The following SLC18A1 variants were observed in gnomAD, a reference collection of about 807,000 sequenced individuals.
SLC18A1 encodes solute carrier family 18 member A1, also known as chromaffin granule amine transporter.
In SLC18A1, 69 loss-of-function variants were observed where a neutral mutation model predicts 53.7. The ratio of observed to expected loss-of-function variants is 1.28; its 90% CI spans 1.06 to 1.57. SLC18A1 has a LOEUF of 1.57. Ranked by LOEUF, SLC18A1 falls within the 40% of genes most tolerant of loss-of-function variation. The probability of loss-of-function intolerance (pLI) is 0.00; values close to 1 mark genes in which losing one functional copy is unlikely to be tolerated. For missense variants in SLC18A1, 932 were observed against 668.1 expected (o/e 1.40, Z -4.35); for synonymous variants, 320 against 248.1 (o/e 1.29, Z -2.72).
intron 10 of SLC18A1, among the ~76,000 whole-genome samples, chr8:20,164,202 C>T (rs1051980490): frequency 1.3e-5 from 2 of 152,166 alleles, no homozygotes; most frequent in East Asian, 3.9e-4. Context: ...CCTTCCCTGT[C>T]CTCTTTCCTC....
At position 20,171,388 on chromosome 8, in the gene SLC18A1, C is replaced by G; in HGVS notation, c.814+17G>C. The G allele has an allele frequency of 6.2e-7, 1 of 1,604,726 alleles. No individual in the cohort carries two copies. The highest frequency in any genetic ancestry group is 8.5e-7 in the Non-Finnish European group (1 of 1,171,504). On this transcript the variant is annotated intron_variant, in intron 7 of 15. Transcript: ENST00000276373. ...GACCTGGGCTGTCACCTGCTGGAGG[C>G]TCTGATGGTGACTTACCTCCATCCA...
chr8:20,159,634 C>CAAAAAAAAAAAAAAAAAAAAAAAAAAAAA (rs200123466), intron 10 of SLC18A1, among the ~76,000 whole-genome samples: 6 of 81,528 alleles, frequency 7.4e-5, no homozygotes, highest in African/African-American at 7.1e-5. Flanking sequence ...TTGCAGCTGC[C>CAAAAAAAAAAAAAAAAAAAAAAAAAAAAA]AAAAAAAAAA....
chr8:20,165,041 G>T lies in SLC18A1; in HGVS notation c.919+6C>A, dbSNP rs1207912534. ...CCCGCCCAATGGGAGGTCATCGCCA[G>T]CTTACCTGCAGCCACCAGGATGTAA... On this transcript the variant is annotated splice_donor_region_variant and intron_variant, in intron 9 of 15. Coordinates refer to ENST00000276373, the MANE Select transcript of SLC18A1 (RefSeq NM_003053.4). The T allele has an allele frequency of 6.2e-7, 1 of 1,614,042 alleles. No homozygotes were observed. Among genetic ancestry groups the T allele is most frequent in the Non-Finnish European group, 8.5e-7 (1 of 1,179,998 alleles).
chr8:20,145,852 T>TG lies in SLC18A1; in HGVS notation c.1488dup (p.Met497HisfsTer22). The TG allele has an allele frequency of 1.9e-6, 3 of 1,610,784 alleles. No individual in the cohort carries two copies. The highest frequency in any genetic ancestry group is 1.7e-6 in the Non-Finnish European group (2 of 1,178,418). ...TGGGTTGCATACATCCGGGTCTCCA[T>TG]GGGGCAGTCCTGACTCAGAATAGCC... is the stretch of plus-strand genomic sequence containing the variant. On this transcript the variant is annotated frameshift_variant, in exon 16 of 16. Transcript: ENST00000276373. LOFTEE classifies it high-confidence loss of function.
intron 2 of SLC18A1, among the ~76,000 whole-genome samples, chr8:20,179,903 C>T (rs1178983254): frequency 1.3e-5 from 2 of 152,230 alleles, no homozygotes; most frequent in African/African-American, 2.4e-5. Context: ...CTCACACAGA[C>T]CTGGCCACAG....
intron 10 of SLC18A1, among the ~76,000 whole-genome samples, chr8:20,161,377 G>C (rs554707384): frequency 6.6e-6 from 1 of 152,138 alleles, no homozygotes; most frequent in East Asian, 1.9e-4. Flanking sequence ...AACAGTACAA[G>C]ATAAAAATAA....
At chr8:20,164,505 G>C (rs1182537110) in intron 10 of SLC18A1, among the ~76,000 whole-genome samples, 2 of 152,108 alleles carry the variant, frequency 1.3e-5, no homozygotes, top group African/African-American at 2.4e-5. Flanking sequence ...ATAGTATTTT[G>C]ATGCTCATTT....
chr8:20,167,121 A>G (rs1023856900), intron 8 of SLC18A1, among the ~76,000 whole-genome samples: 2 of 151,834 alleles, frequency 1.3e-5, no homozygotes, highest in African/African-American at 2.4e-5. Context: ...AAAAAAAACT[A>G]AAACTAAATG....
chr8:20,152,210 T>G (rs2071575139), intron 10 of SLC18A1, among the ~76,000 whole-genome samples: 1 of 152,178 alleles, frequency 6.6e-6, no homozygotes, highest in African/African-American at 2.4e-5. Flanking sequence ...GATATCTGTG[T>G]GCCTGAAATA....
chr8:20,178,982 C>G (rs111269333), intron 3 of SLC18A1, 139 bp downstream of exon 3: 19 of 987,338 alleles, frequency 1.9e-5, no homozygotes, highest in Non-Finnish European at 2.5e-5. Context: ...CTTTGAGTAA[C>G]GAGCTTTCCG....
At chr8:20,148,289 T>C in intron 12 of SLC18A1, 1 of 603,092 alleles carries the variant, frequency 1.7e-6, no homozygotes, top group Admixed American at 3.0e-5. Flanking sequence ...TATTGCTCTA[T>C]CCAGAGTTAC....
intron 10 of SLC18A1, among the ~76,000 whole-genome samples, chr8:20,160,588 A>T: frequency 6.6e-6 from 1 of 152,180 alleles, no homozygotes; most frequent in Non-Finnish European, 1.5e-5. Flanking sequence ...AGTATCCTGT[A>T]TTCCACGCAC....
chr8:20,178,901 C>T lies in SLC18A1; in HGVS notation c.488+220G>A, dbSNP rs1224842535. ...GCACACTGCTGTTCATGGTTCTCTT[C>T]TTGGTACTCAATACTCAATATATCA... is the stretch of plus-strand genomic sequence containing the variant. On this transcript the variant is annotated intron_variant, in intron 3 of 15. Transcript: ENST00000276373. Among the ~76,000 whole-genome samples, 5 of 152,202 alleles carry T rather than the reference C, an allele frequency of 3.3e-5. No individual in the cohort carries two copies. In the East Asian group the frequency reaches 5.8e-4, roughly 18 times the overall value.
At chr8:20,165,505 G>C (rs528400818) in intron 8 of SLC18A1, among the ~76,000 whole-genome samples, 2 of 152,114 alleles carry the variant, frequency 1.3e-5, no homozygotes, top group Non-Finnish European at 2.9e-5. Context: ...CACAGGCAGA[G>C]CACCGAATCC....
At chr8:20,148,586 T>C (rs1412328887) in intron 12 of SLC18A1, 1 of 673,794 alleles carries the variant, frequency 1.5e-6, no homozygotes. Flanking sequence ...GGGCAGGTGG[T>C]GTGGCTTGGG....
At position 20,150,714 on chromosome 8, in the gene SLC18A1, T is replaced by C. The variant is rs775657426; in HGVS notation, c.1046A>G (p.Tyr349Cys). The C allele has an allele frequency of 1.2e-6, 2 of 1,614,094 alleles. No individual in the cohort carries two copies. The highest frequency in any genetic ancestry group is 2.2e-5 in the South Asian group (2 of 91,078). ...GLAFLPASVS[Y>C]LIGTNLFGVL... ...ACCAAAGAGGTTGGTGCCAATGAGG[T>C]AGGACACACTGGCAGGCAAGAAAGC... Residue 349 changes from tyrosine to cysteine, a missense_variant, in exon 11 of 16, where the codon TAC (tyrosine) becomes TGC (cysteine). Transcript: ENST00000276373.
intron 10 of SLC18A1, among the ~76,000 whole-genome samples, chr8:20,154,466 G>A (rs1339300161): frequency 2.6e-5 from 4 of 152,244 alleles, no homozygotes; most frequent in East Asian, 3.9e-4. Flanking sequence ...GTAATCTAAC[G>A]ACATGACATT....
At chr8:20,159,300 G>C (rs1188837473) in intron 10 of SLC18A1, among the ~76,000 whole-genome samples, 6 of 152,050 alleles carry the variant, frequency 3.9e-5, no homozygotes, top group East Asian at 1.9e-4. Context: ...GTTGAGAGGG[G>C]GTACTAACAG....
chr8:20,172,645 T>G (rs147760206), intron 6 of SLC18A1, among the ~76,000 whole-genome samples: 3 of 152,192 alleles, frequency 2.0e-5, no homozygotes, highest in Admixed American at 2.0e-4. Context: ...ATTCTTATTT[T>G]CATCTCTATA....
Sources: gnomAD v4.1 joint callset for allele counts (sites outside exome capture counted in the v4.1 genomes callset) on GRCh38, gnomAD v4.1.1 for gene constraint, MANE v1.5 for transcripts, NCBI Gene and HGNC (gene_info 2026-07-23, HGNC 2026-07-21) for gene names.